PEMT: variants seen among roughly 807,000 people sequenced by gnomAD.
PEMT encodes the protein phosphatidylethanolamine N-methyltransferase.
PEMT carries 23 observed loss-of-function variants against 27.4 expected under a neutral mutation model. The observed-to-expected ratio is 0.84, with a 90% CI of 0.60 to 1.19. The LOEUF is 1.19. PEMT is among the 50% of genes most tolerant of loss of function. The pLI is 0.00. For missense variants in PEMT, 307 were observed against 310.1 expected, an observed-to-expected ratio of 0.99 and a Z score of 0.07; for synonymous variants, 137 against 139.1, an observed-to-expected ratio of 0.98 and a Z score of 0.11.
chr17:17,518,807 C>A (rs1907047132), intron 3 of PEMT, among the ~76,000 whole-genome samples: 1 of 152,188 alleles, frequency 6.6e-6, no homozygotes, highest in Admixed American at 6.5e-5. Context: ...CCAGAACAGG[C>A]ACACTCATGG....
intron 2 of PEMT, among the ~76,000 whole-genome samples, chr17:17,545,088 T>A (rs915106810): frequency 1.3e-5 from 2 of 152,056 alleles, no homozygotes; most frequent in African/African-American, 4.8e-5. Flanking sequence ...TGGCCTCACA[T>A]CCCTCAGGGT....
intron 2 of PEMT, among the ~76,000 whole-genome samples, chr17:17,539,655 A>G (rs982837536): frequency 5.3e-5 from 8 of 152,196 alleles, no homozygotes; most frequent in Admixed American, 4.6e-4. Flanking sequence ...CTGAGGGCCA[A>G]TGTGCTGTCA....
intron 1 of PEMT, among the ~76,000 whole-genome samples, chr17:17,584,572 A>T (rs1567756939): frequency 1.3e-5 from 2 of 152,074 alleles, no homozygotes; most frequent in Non-Finnish European, 2.9e-5. Flanking sequence ...CTCCTCCCAA[A>T]GTACTGAAAC....
chr17:17,521,928 T>C (rs1907296345), intron 3 of PEMT, among the ~76,000 whole-genome samples: 1 of 152,146 alleles, frequency 6.6e-6, no homozygotes, highest in African/African-American at 2.4e-5. Flanking sequence ...GCCTGACCCC[T>C]GAGGGCTCCC....
intron 2 of PEMT, among the ~76,000 whole-genome samples, chr17:17,567,238 C>T (rs1910886927): frequency 6.6e-6 from 1 of 152,240 alleles, no homozygotes; most frequent in Non-Finnish European, 1.5e-5. Context: ...CCTTTTGTTC[C>T]TGTCCATGTC....
intron 2 of PEMT, among the ~76,000 whole-genome samples, chr17:17,562,991 C>A (rs1050950797): frequency 9.2e-5 from 14 of 152,156 alleles, no homozygotes; most frequent in African/African-American, 3.1e-4. Flanking sequence ...CTTTTCCATG[C>A]CTCTCAATTC....
intron 3 of PEMT, among the ~76,000 whole-genome samples, chr17:17,517,551 G>A (rs1906934060): frequency 6.6e-6 from 1 of 152,214 alleles, no homozygotes; most frequent in African/African-American, 2.4e-5. Flanking sequence ...ATGCAGCAGT[G>A]ACCAGGACAT....
intron 2 of PEMT, among the ~76,000 whole-genome samples, chr17:17,532,941 C>T (rs1189824640): frequency 1.3e-5 from 2 of 152,188 alleles, no homozygotes; most frequent in African/African-American, 2.4e-5. Context: ...GCAGGAGAAT[C>T]GCTTGAACTC....
At position 17,512,555 on chromosome 17, in the gene PEMT, G is replaced by A. The variant is rs752173554; in HGVS notation, c.420C>T (p.Leu140=). 1.6e-5 allele frequency: 25 copies of A among 1,608,790 alleles called. No individual in the cohort carries two copies. The highest frequency in any genetic ancestry group is 1.0e-4 in the South Asian group (9 of 90,268). Residue 140 remains leucine, a synonymous_variant, in exon 4 of 7, where the codon CTC becomes CTT. Coordinates refer to ENST00000255389, the MANE Select transcript of PEMT (RefSeq NM_148172.3). This position sits in a 1 kb window ranked among gnomAD's most constrained non-coding sequence, Gnocchi z 6.3. ...CCAGTGCAAAGAAGCTGGAGAGCAC[G>A]AGCACGACGCCCAGTCCCAGGAGCG... The part of the protein sequence containing the change: ...GLALLGLGVV[L]VLSSFFALGF...
At chr17:17,521,562 T>C (rs1907260033) in intron 3 of PEMT, among the ~76,000 whole-genome samples, 1 of 151,676 alleles carries the variant, frequency 6.6e-6, no homozygotes, top group Non-Finnish European at 1.5e-5. Flanking sequence ...GAAGCTTTCT[T>C]TTAAAAAAAA....
chr17:17,518,854 G>A (rs541609904), intron 3 of PEMT, among the ~76,000 whole-genome samples: 123 of 152,304 alleles, frequency 8.1e-4, no homozygotes, highest in Non-Finnish European at 1.4e-3. Context: ...GGGACTGGGG[G>A]GCGGGAGATG....
upstream of PEMT, chr17:17,591,971 C>A (rs535417039): frequency 5.1e-6 from 5 of 985,434 alleles, no homozygotes; most frequent in South Asian, 1.9e-4. Flanking sequence ...ACTGACCTGG[C>A]GTCCCTGCCC....
chr17:17,581,770 C>T (rs964066335), intron 1 of PEMT, among the ~76,000 whole-genome samples: 1 of 152,138 alleles, frequency 6.6e-6, no homozygotes, highest in Non-Finnish European at 1.5e-5. Context: ...TGGTGTCCAT[C>T]CGGTCACTTC....
In PEMT at chr17:17,506,204, C is replaced by A. The variant is rs780044965; in HGVS notation, c.653+23G>T. 6 of 1,522,054 alleles carry A rather than the reference C, an allele frequency of 3.9e-6. 1 individual carries two copies. The South Asian group carries it at 4.8e-5, about 12-fold the overall frequency. 94.3% of individuals were successfully genotyped at this position (1,522,054 alleles called of 1,614,324 possible). ...AGGGCCAGTCGGGCAGCCACGCCCC[C>A]ACCCGCCGCAGCCCCTACTCACTCT... On this transcript the variant is annotated intron_variant, in intron 6 of 6. Transcript: ENST00000255389.
rs543313013 is a variant in PEMT at position 17,523,911 on chromosome 17, G to A, written c.205-1516C>T. On this transcript the variant is annotated intron_variant, in intron 2 of 6. Coordinates refer to ENST00000255389, the MANE Select transcript of PEMT (RefSeq NM_148172.3). The surrounding 1 kb of genome is among the most constrained non-coding windows in gnomAD (Gnocchi z 4.8). Reference sequence around the variant, plus strand: ...TTTCATCACCCCAAGTAGAAACCCCGTCCTCCCCATCCCCCATCTGCCGGC... The same window carrying A: ...TTTCATCACCCCAAGTAGAAACCCCATCCTCCCCATCCCCCATCTGCCGGC... 5.3e-5 allele frequency among the ~76,000 whole-genome samples: 8 copies of A among 152,002 alleles called. No individual in the cohort carries two copies. Among genetic ancestry groups the A allele is most frequent in the South Asian group, 4.2e-4 (2 of 4,796 alleles).
chr17:17,532,381 A>C (rs1908164120), intron 2 of PEMT, among the ~76,000 whole-genome samples: 1 of 152,266 alleles, frequency 6.6e-6, no homozygotes, highest in South Asian at 2.1e-4. Flanking sequence ...ACACATTTGC[A>C]ATAAAAAGTC....
At chr17:17,575,970 A>T (rs546655230) in intron 2 of PEMT, among the ~76,000 whole-genome samples, 12 of 152,192 alleles carry the variant, frequency 7.9e-5, no homozygotes, top group Admixed American at 7.8e-4. Context: ...TTAAATGAAA[A>T]CTGTCTGGAA....
At chr17:17,539,956 G>A (rs372204307) in intron 2 of PEMT, among the ~76,000 whole-genome samples, 54 of 152,306 alleles carry the variant, frequency 3.5e-4, no homozygotes, top group Middle Eastern at 6.8e-3. Context: ...CAGCCTCCAC[G>A]CAGGAGGCTC....
intron 1 of PEMT, among the ~76,000 whole-genome samples, chr17:17,589,189 C>T (rs927341028): frequency 6.6e-6 from 1 of 152,034 alleles, no homozygotes; most frequent in Non-Finnish European, 1.5e-5. Context: ...CTCAAACTCC[C>T]GACCTCAGGT....
Sources: gnomAD v4.1 joint callset for allele counts (sites outside exome capture counted in the v4.1 genomes callset) on GRCh38, gnomAD v4.1.1 for gene constraint, Gnocchi (gnomAD v3.1) non-coding constraint, MANE v1.5 for transcripts, NCBI Gene and HGNC (gene_info 2026-07-23, HGNC 2026-07-21) for gene names.